DGKB: variants seen among roughly 807,000 people sequenced by gnomAD.
The protein encoded by DGKB is diacylglycerol kinase beta.
In DGKB, 67 loss-of-function variants were observed where a neutral mutation model predicts 114.3. The ratio of observed to expected loss-of-function variants is 0.59; its 90% CI spans 0.48 to 0.72. The LOEUF is 0.72. Among genes scored for constraint, DGKB ranks in the 30% least tolerant of loss-of-function variants. DGKB has a pLI of 0.00. For missense variants in DGKB, 907 were observed against 975.2 expected (o/e 0.93, Z 0.93); for synonymous variants, 398 against 323.1 (o/e 1.23, Z -2.49).
intron 21 of DGKB, among the ~76,000 whole-genome samples, chr7:14,362,123 G>A (rs1002519810): frequency 1.8e-4 from 27 of 151,936 alleles, no homozygotes; most frequent in Admixed American, 5.3e-4. Flanking sequence ...TATTACTGTC[G>A]TTTTGTACCA....
intron 21 of DGKB, among the ~76,000 whole-genome samples, chr7:14,408,915 G>T (rs185465526): frequency 6.6e-6 from 1 of 151,942 alleles, no homozygotes; most frequent in African/African-American, 2.4e-5. Context: ...TGTCATGAGC[G>T]CATAAAAGAT....
chr7:14,376,731 T>C (rs1818540427), intron 21 of DGKB, among the ~76,000 whole-genome samples: 1 of 152,138 alleles, frequency 6.6e-6, no homozygotes, highest in Non-Finnish European at 1.5e-5. Flanking sequence ...ATACTAAACG[T>C]GTGAGAAGCC....
intron 6 of DGKB, among the ~76,000 whole-genome samples, chr7:14,709,845 T>A (rs938500212): frequency 6.9e-6 from 1 of 145,332 alleles, no homozygotes; most frequent in African/African-American, 2.5e-5. Context: ...AGGGATAGCA[T>A]TGGGAGATAT....
intron 23 of DGKB, among the ~76,000 whole-genome samples, chr7:14,279,289 G>A (rs1799519022): frequency 6.6e-6 from 1 of 152,230 alleles, no homozygotes; most frequent in African/African-American, 2.4e-5. Context: ...CTGCAAGGCG[G>A]CAGCCAGGCG....
Position 14,285,190 on chromosome 7 carries a change from A to T in DGKB, c.2122+53325T>A, listed in dbSNP as rs372848116. Among the ~76,000 whole-genome samples, 8 of 152,216 alleles carry T rather than the reference A, an allele frequency of 5.3e-5. 1 individual carries two copies. The South Asian group carries it at 1.2e-3, about 24-fold the overall frequency. On this transcript the variant is annotated intron_variant, in intron 23 of 25. Transcript: ENST00000402815. Reference sequence around the variant, plus strand: ...CTAATATATGCATCTCATTGATTTGACCATATAGGTATACTCTGCCCTAGC... The same window carrying T: ...CTAATATATGCATCTCATTGATTTGTCCATATAGGTATACTCTGCCCTAGC...
intron 1 of DGKB, among the ~76,000 whole-genome samples, chr7:14,920,348 C>T (rs963976257): frequency 2.0e-5 from 3 of 152,082 alleles, no homozygotes; most frequent in African/African-American, 7.2e-5. Context: ...ATATGAAAGA[C>T]ACCTCATGAA....
rs543630491 is a variant in DGKB, at chr7:14,181,562, G to T, written c.2123-3411C>A. Among the ~76,000 whole-genome samples, 12 of 152,320 alleles carry T rather than the reference G, an allele frequency of 7.9e-5. No homozygotes were observed. The East Asian group carries it at 2.3e-3, about 29-fold the overall frequency. On this transcript the variant is annotated intron_variant, in intron 23 of 25. Transcript: ENST00000402815. The stretch of plus-strand genomic sequence containing the variant: ...AGAACAGTTTAACATTCATTAGTGT[G>T]CTCAATCATTGCCTCTGGTTGGCTT...
At chr7:14,932,960 G>T in intron 1 of DGKB, among the ~76,000 whole-genome samples, 1 of 152,144 alleles carries the variant, frequency 6.6e-6, no homozygotes, top group East Asian at 1.9e-4. Context: ...CACTGGAGCT[G>T]CTACTGTCTG....
At chr7:14,945,092 A>T (rs1042757621) in intron 1 of DGKB, among the ~76,000 whole-genome samples, 1 of 151,830 alleles carries the variant, frequency 6.6e-6, no homozygotes, top group Admixed American at 6.6e-5. Context: ...AATAACCTAA[A>T]TATTCACATC....
intron 21 of DGKB, among the ~76,000 whole-genome samples, chr7:14,393,066 G>A (rs1157173539): frequency 1.4e-5 from 2 of 142,454 alleles, no homozygotes; most frequent in Admixed American, 7.4e-5. Context: ...TCGGCTCACT[G>A]CAAGCTCTGC....
intron 13 of DGKB, among the ~76,000 whole-genome samples, chr7:14,655,461 T>C (rs1815575406): frequency 6.6e-6 from 1 of 151,826 alleles, no homozygotes. Context: ...ACAACTATTA[T>C]GAAAAACAGT....
chr7:14,771,023 C>T (rs1837326455), intron 2 of DGKB, among the ~76,000 whole-genome samples: 1 of 152,000 alleles, frequency 6.6e-6, no homozygotes, highest in African/African-American at 2.4e-5. Flanking sequence ...AGGAACTCCT[C>T]ACACCTCCAC....
intron 13 of DGKB, among the ~76,000 whole-genome samples, chr7:14,660,174 G>C (rs997338921): frequency 2.6e-5 from 4 of 151,952 alleles, no homozygotes; most frequent in Non-Finnish European, 5.9e-5. Flanking sequence ...TGTTCCTCAA[G>C]GATATTGGTC....
In DGKB at chr7:14,852,497, A is replaced by AAAACAAAAAAAAAAAAAAC. The variant is rs57418853; in HGVS notation, c.-187-11048_-187-11047insGTTTTTTTTTTTTTTGTTT. On this transcript the variant is annotated intron_variant, in intron 1 of 25. Coordinates refer to ENST00000402815, the MANE Select transcript of DGKB (RefSeq NM_001350709.2). ...TAAAATAGTGAAAGTCAAAAAAAAA[A>AAAACAAAAAAAAAAAAAAC]CAGAAATCAAGCATAGTACACTGGA... Among the ~76,000 whole-genome samples the AAAACAAAAAAAAAAAAAAC allele has an allele frequency of 4.3e-5, 6 of 138,488 alleles. No individual in the cohort carries two copies. The Admixed American group carries it at 4.4e-4, about 10-fold the overall frequency. 90.9% of individuals were successfully genotyped at this position (138,488 alleles called of 152,430 possible).
intron 16 of DGKB, among the ~76,000 whole-genome samples, chr7:14,609,014 T>C (rs1310920874): frequency 6.6e-6 from 1 of 152,058 alleles, no homozygotes; most frequent in Non-Finnish European, 1.5e-5. Flanking sequence ...TTTAACACTA[T>C]TTCTATGAAA....
chr7:14,167,710 TA>T (rs1784812547), intron 25 of DGKB, among the ~76,000 whole-genome samples: 1 of 150,854 alleles, frequency 6.6e-6, no homozygotes, highest in Non-Finnish European at 1.5e-5. Context: ...TACATCTGAA[TA>T]ACATTGCAAA....
intron 20 of DGKB, among the ~76,000 whole-genome samples, chr7:14,483,119 C>T (rs1359151471): frequency 1.3e-5 from 2 of 150,146 alleles, no homozygotes; most frequent in African/African-American, 4.8e-5. Flanking sequence ...GTAGTGGGCT[C>T]AATGGTGCCC....
chr7:14,973,976 A>C (rs997489316), intron 1 of DGKB, among the ~76,000 whole-genome samples: 3 of 151,050 alleles, frequency 2.0e-5, no homozygotes, highest in Non-Finnish European at 4.4e-5. Flanking sequence ...TATTATTTAA[A>C]TTAAACAAGT....
intron 1 of DGKB, among the ~76,000 whole-genome samples, chr7:14,936,214 G>C (rs1785264845): frequency 6.6e-6 from 1 of 152,192 alleles, no homozygotes; most frequent in African/African-American, 2.4e-5. Flanking sequence ...ACGTAGAAAA[G>C]TGATGAAGAA....
Sources: allele counts gnomAD v4.1 joint callset (sites outside exome capture counted in the v4.1 genomes callset), GRCh38; gene constraint gnomAD v4.1.1; transcripts MANE v1.5; gene names NCBI Gene and HGNC (gene_info 2026-07-23, HGNC 2026-07-21).